Variants in NRG1 observed in about 807,000 individuals in gnomAD.
The protein encoded by NRG1 is pro-neuregulin-1, membrane-bound isoform.
NRG1 carries 18 observed loss-of-function variants against 63.8 expected under a neutral mutation model. The observed-to-expected ratio is 0.28, with a 90% CI of 0.19 to 0.42. The LOEUF (loss-of-function observed/expected upper bound fraction) is 0.42. Ranked by LOEUF, NRG1 falls within the 10% of genes least tolerant of loss-of-function variation. NRG1 has a pLI of 1.00. For missense variants in NRG1, 762 were observed against 814.7 expected (o/e 0.94, Z 0.79); for synonymous variants, 302 against 301.3 (o/e 1.00, Z -0.02).
At chr8:31,702,581 C>G (rs1221513589) in intron 1 of NRG1, among the ~76,000 whole-genome samples, 1 of 151,954 alleles carries the variant, frequency 6.6e-6, no homozygotes, top group African/African-American at 2.4e-5. Flanking sequence ...TAGCCAGTAT[C>G]TATGACTGGC....
chr8:32,029,100 A>G (rs901158405), intron 1 of NRG1, among the ~76,000 whole-genome samples: 4 of 152,180 alleles, frequency 2.6e-5, no homozygotes, highest in Non-Finnish European at 5.9e-5. Context: ...TCATTCTATC[A>G]AAGTCTGTTG....
At chr8:32,614,338 A>G in intron 3 of NRG1, 176 bp from the exon 4 acceptor site, 1 of 504,636 alleles carries the variant, frequency 2.0e-6, no homozygotes, top group Non-Finnish European at 3.6e-6. Flanking sequence ...AGAACTATCA[A>G]TTTGGACTGT....
chr8:32,492,423 C>CTTTTT (rs33989637), intron 1 of NRG1, among the ~76,000 whole-genome samples: 1 of 146,890 alleles, frequency 6.8e-6, no homozygotes, highest in Non-Finnish European at 1.5e-5. Context: ...TCCCTTTCAT[C>CTTTTT]TTTTTTTTTT....
At chr8:32,053,075 T>C (rs77364579) in intron 1 of NRG1, among the ~76,000 whole-genome samples, 3,216 of 152,284 alleles carry the variant, frequency 0.021, 87 homozygotes, top group African/African-American at 0.06. Flanking sequence ...AGAATAAGAA[T>C]GAATGATGAA....
At chr8:32,447,074 C>T (rs886336933) in intron 1 of NRG1, among the ~76,000 whole-genome samples, 8 of 151,480 alleles carry the variant, frequency 5.3e-5, no homozygotes, top group South Asian at 2.1e-4. Flanking sequence ...AGTGCAGTGG[C>T]GCAGTCTCAG....
rs368144313 is a variant in NRG1 at position 32,159,645 on chromosome 8, G to A, written c.38-436183G>A. Among the ~76,000 whole-genome samples the A allele has an allele frequency of 3.3e-3, 500 of 151,946 alleles. 1 individual carries two copies. The highest frequency in any genetic ancestry group is 0.023 in the South Asian group (111 of 4,806). ...TTTTAAAATAAAGAAACATTTGGTC[G>A]ATGAAAAGTATAGAATATTTGTGGT... On this transcript the variant is annotated intron_variant, in intron 1 of 10. Transcript: ENST00000519301.
chr8:31,992,489 A>C (rs1170789696), intron 1 of NRG1, among the ~76,000 whole-genome samples: 1 of 151,992 alleles, frequency 6.6e-6, no homozygotes, highest in Non-Finnish European at 1.5e-5. Context: ...CTAGGAGCCA[A>C]ATGCAGGCAG....
chr8:32,400,007 T>C (rs777031023), intron 1 of NRG1, among the ~76,000 whole-genome samples: 10 of 152,190 alleles, frequency 6.6e-5, no homozygotes, highest in Non-Finnish European at 1.0e-4. Flanking sequence ...TTCACACCCA[T>C]GAGGGTCTTT....
chr8:32,414,914 C>T (rs1372678529), intron 1 of NRG1, among the ~76,000 whole-genome samples: 1 of 152,048 alleles, frequency 6.6e-6, no homozygotes, highest in African/African-American at 2.4e-5. Context: ...CAAGAAACTC[C>T]CTGGGCTTAG....
intron 1 of NRG1, among the ~76,000 whole-genome samples, chr8:32,573,662 A>G (rs538528717): frequency 6.6e-6 from 1 of 151,930 alleles, no homozygotes; most frequent in Admixed American, 6.6e-5. Context: ...TTATTTTATT[A>G]TTATTATACT....
chr8:31,875,493 T>C (rs1037702528), intron 1 of NRG1, among the ~76,000 whole-genome samples: 9 of 152,150 alleles, frequency 5.9e-5, no homozygotes, highest in African/African-American at 2.2e-4. Context: ...GAGAAAACTC[T>C]TCTTGATTAA....
chr8:32,104,864 G>C (rs1433486364), intron 1 of NRG1, among the ~76,000 whole-genome samples: 2 of 150,960 alleles, frequency 1.3e-5, no homozygotes, highest in Non-Finnish European at 2.9e-5. Flanking sequence ...CCTTCTTCTG[G>C]AATTCCTCCT....
intron 1 of NRG1, among the ~76,000 whole-genome samples, chr8:32,118,003 C>A (rs1376175194): frequency 6.6e-6 from 1 of 152,128 alleles, no homozygotes; most frequent in Non-Finnish European, 1.5e-5. Flanking sequence ...TTCTCAAAAT[C>A]ATTTTACCCT....
At chr8:31,851,426 T>G (rs1827202945) in intron 1 of NRG1, among the ~76,000 whole-genome samples, 1 of 152,192 alleles carries the variant, frequency 6.6e-6, no homozygotes, top group Non-Finnish European at 1.5e-5. Flanking sequence ...CTGAAATATC[T>G]AAAATGTAGA....
chr8:32,390,615 A>T (rs1269722280), intron 1 of NRG1, among the ~76,000 whole-genome samples: 1 of 151,406 alleles, frequency 6.6e-6, no homozygotes, highest in Non-Finnish European at 1.5e-5. Flanking sequence ...AAAAAAAAAA[A>T]AAAAGAAGAA....
intron 1 of NRG1, among the ~76,000 whole-genome samples, chr8:31,982,290 A>T (rs1809261375): frequency 2.0e-5 from 3 of 152,100 alleles, no homozygotes; most frequent in Admixed American, 2.0e-4. Context: ...TAAGTCTTCC[A>T]TGAGAAAGTG....
At chr8:31,847,812 A>G (rs1563476731) in intron 1 of NRG1, among the ~76,000 whole-genome samples, 1 of 152,360 alleles carries the variant, frequency 6.6e-6, no homozygotes, top group East Asian at 1.9e-4. Flanking sequence ...TGTCCTTTCA[A>G]ACATGAATGA....
At chr8:31,698,586 C>T (rs537633096) in intron 1 of NRG1, among the ~76,000 whole-genome samples, 5 of 152,228 alleles carry the variant, frequency 3.3e-5, no homozygotes, top group Non-Finnish European at 7.4e-5. Flanking sequence ...AGGTGTTATG[C>T]TGGCTGAAAT....
intron 1 of NRG1, among the ~76,000 whole-genome samples, chr8:32,070,089 G>C (rs558665203): frequency 6.6e-6 from 1 of 152,134 alleles, no homozygotes; most frequent in South Asian, 2.1e-4. Context: ...TCTCTGAGAA[G>C]CATTGATCCA....
Sources: gnomAD v4.1 joint callset for allele counts (sites outside exome capture counted in the v4.1 genomes callset) on GRCh38, gnomAD v4.1.1 for gene constraint, MANE v1.5 for transcripts, NCBI Gene and HGNC (gene_info 2026-07-23, HGNC 2026-07-21) for gene names.